The following DISP1 variants were observed in gnomAD, a reference collection of about 807,000 sequenced individuals.
DISP1 encodes the protein dispatched RND transporter family member 1.
DISP1 carries 30 observed loss-of-function variants against 37.3 expected under a neutral mutation model. The observed-to-expected ratio is 0.80, with a 90% CI of 0.60 to 1.09. The LOEUF is 1.09. Ranked by LOEUF, DISP1 falls within the 50% of genes least tolerant of loss-of-function variation. DISP1 has a pLI of 0.00. For missense variants in DISP1, 1,598 were observed against 1,879.5 expected, an observed-to-expected ratio of 0.85 and a Z score of 2.77; for synonymous variants, 634 against 690.2, an observed-to-expected ratio of 0.92 and a Z score of 1.28.
chr1:222,853,566 A>C (rs534255659), intron 1 of DISP1, among the ~76,000 whole-genome samples: 168 of 152,332 alleles, frequency 1.1e-3, no homozygotes, highest in South Asian at 9.3e-3. Context: ...CCGTAAAAAA[A>C]CCATGAAATC....
At chr1:222,995,432 G>C (rs1214665963) in intron 8 of DISP1, among the ~76,000 whole-genome samples, 1 of 152,086 alleles carries the variant, frequency 6.6e-6, no homozygotes, top group African/African-American at 2.4e-5. Context: ...GACCTCAAAG[G>C]GAAATTTAGG....
At chr1:222,878,995 A>G (rs1670126408) in intron 1 of DISP1, among the ~76,000 whole-genome samples, 2 of 152,150 alleles carry the variant, frequency 1.3e-5, no homozygotes, top group South Asian at 4.1e-4. Context: ...TAATTAATGC[A>G]TGTTTATTTG....
chr1:222,920,531 C>T (rs1672755099), intron 1 of DISP1, among the ~76,000 whole-genome samples: 1 of 152,136 alleles, frequency 6.6e-6, no homozygotes, highest in South Asian at 2.1e-4. Flanking sequence ...AAACATAACA[C>T]TATACTTTGT....
At chr1:222,850,924 A>G (rs1234527852) in intron 1 of DISP1, among the ~76,000 whole-genome samples, 5 of 151,988 alleles carry the variant, frequency 3.3e-5, no homozygotes, top group Non-Finnish European at 5.9e-5. Flanking sequence ...TGACAGGCCC[A>G]TTGGTTACTC....
In DISP1 at chr1:222,994,930, CATT is replaced by C. The variant is rs748891143; in HGVS notation, c.938_940del (p.Leu313del). 5 of 1,612,944 alleles carry C rather than the reference CATT, an allele frequency of 3.1e-6. No individual in the cohort carries two copies. Among genetic ancestry groups the C allele is most frequent in the Admixed American group, 3.3e-5 (2 of 59,976 alleles). On this transcript the variant is annotated inframe_deletion, in exon 8 of 9. Coordinates refer to ENST00000675850, the MANE Select transcript of DISP1 (RefSeq NM_001377229.1). Reference sequence around the variant, plus strand: ...GTATTTACTTCATCTGGAGGGGAGACATTATGGAATTTACCTGCAATTAAATCA... The same window carrying C: ...GTATTTACTTCATCTGGAGGGGAGACATGGAATTTACCTGCAATTAAATCA...
rs61740997 is a variant in DISP1 at position 223,005,612 on chromosome 1, G to A, written c.4215G>A (p.Thr1405=). The change falls in exon 9 of 9, where the codon ACG becomes ACA. Residue 1405 remains threonine, a synonymous_variant. Coordinates refer to ENST00000675850, the MANE Select transcript of DISP1 (RefSeq NM_001377229.1). The stretch of plus-strand genomic sequence containing the variant: ...GAAGCACTGGATCGTTACTCAAAAC[G>A]TGTTGCGACCCCGAGAATAAACAAA... ...VCRSTGSLLK[T]CCDPENKQRE... The A allele has an allele frequency of 0.019, 30,938 of 1,609,014 alleles. 380 individuals are homozygous for A. Among genetic ancestry groups the A allele is most frequent in the Non-Finnish European group, 0.023 (27,446 of 1,178,158 alleles).
At chr1:222,927,752 T>C (rs1294809104) in intron 1 of DISP1, among the ~76,000 whole-genome samples, 2 of 152,220 alleles carry the variant, frequency 1.3e-5, no homozygotes, top group African/African-American at 4.8e-5. Context: ...GTTCGTAGTA[T>C]TTAAGAGACT....
chr1:222,925,587 C>G (rs1673034752), intron 1 of DISP1, among the ~76,000 whole-genome samples: 1 of 152,128 alleles, frequency 6.6e-6, no homozygotes, highest in Non-Finnish European at 1.5e-5. Context: ...TTTCACTCTT[C>G]CTTTTCCCTG....
At chr1:222,937,148 G>A (rs61840881) in intron 2 of DISP1, among the ~76,000 whole-genome samples, 42,339 of 145,552 alleles carry the variant, frequency 0.29, 6,696 homozygotes, top group Non-Finnish European at 0.36. Context: ...GGAGTGCAGT[G>A]GCGTGATCTC....
intron 1 of DISP1, among the ~76,000 whole-genome samples, chr1:222,864,530 A>C (rs568730679): frequency 6.8e-4 from 104 of 152,272 alleles, no homozygotes; most frequent in African/African-American, 2.2e-3. Context: ...GTTAATATGA[A>C]CAGTCAATCC....
chr1:222,855,744 A>G (rs763639939), intron 1 of DISP1, among the ~76,000 whole-genome samples: 1 of 152,144 alleles, frequency 6.6e-6, no homozygotes. Flanking sequence ...TTTTTCTCCC[A>G]AAATTTTGAA....
intron 1 of DISP1, among the ~76,000 whole-genome samples, chr1:222,866,087 G>A (rs1450363012): frequency 1.3e-5 from 2 of 151,924 alleles, no homozygotes; most frequent in African/African-American, 4.8e-5. Flanking sequence ...AGTTCTCCCT[G>A]CTTACTCTTT....
chr1:222,860,601 C>G (rs1248626772), intron 1 of DISP1, among the ~76,000 whole-genome samples: 1 of 151,958 alleles, frequency 6.6e-6, no homozygotes, highest in Non-Finnish European at 1.5e-5. Context: ...AAAGTGATTG[C>G]TAGGGCCGGG....
intron 2 of DISP1, among the ~76,000 whole-genome samples, chr1:222,932,632 A>C (rs1384401100): frequency 6.6e-6 from 1 of 152,014 alleles, no homozygotes; most frequent in Non-Finnish European, 1.5e-5. Context: ...AAATTAGTGC[A>C]GCTTAATGGA....
intron 1 of DISP1, among the ~76,000 whole-genome samples, chr1:222,834,044 A>G (rs1031174367): frequency 6.6e-6 from 1 of 152,232 alleles, no homozygotes; most frequent in Non-Finnish European, 1.5e-5. Flanking sequence ...TGGAGCAACT[A>G]CAACAGTAAG....
At chr1:222,859,141 C>G (rs1011994842) in intron 1 of DISP1, among the ~76,000 whole-genome samples, 2 of 152,166 alleles carry the variant, frequency 1.3e-5, no homozygotes, top group Non-Finnish European at 2.9e-5. Context: ...CCATGGAATA[C>G]TATGCAGCCA....
At chr1:222,918,581 T>A (rs1401760635) in intron 1 of DISP1, among the ~76,000 whole-genome samples, 1 of 152,326 alleles carries the variant, frequency 6.6e-6, no homozygotes, top group Non-Finnish European at 1.5e-5. Flanking sequence ...ATGGGAAGTT[T>A]ATCACAACCC....
chr1:222,880,316 T>C (rs1670207132), intron 1 of DISP1, among the ~76,000 whole-genome samples: 1 of 152,184 alleles, frequency 6.6e-6, no homozygotes, highest in South Asian at 2.1e-4. Flanking sequence ...ATTTTGGGCA[T>C]TGAGATCATG....
intron 1 of DISP1, among the ~76,000 whole-genome samples, chr1:222,825,499 C>CTT (rs954921482): frequency 0.098 from 12,856 of 131,632 alleles, 921 homozygotes; most frequent in Non-Finnish European, 0.14. Context: ...ACCTGTTTCT[C>CTT]TTTTTTTTTT....
Sources: gnomAD v4.1 joint callset for allele counts (sites outside exome capture counted in the v4.1 genomes callset) on GRCh38, gnomAD v4.1.1 for gene constraint, MANE v1.5 for transcripts, NCBI Gene and HGNC (gene_info 2026-07-23, HGNC 2026-07-21) for gene names.